SH3PXD2A: variants seen among roughly 807,000 people sequenced by gnomAD.
SH3PXD2A encodes the protein SH3 and PX domain-containing protein 2A.
Under a neutral mutation model 115.2 loss-of-function variants are expected in SH3PXD2A, and 32 were observed. The observed-to-expected ratio is 0.28, with a 90% confidence interval of 0.21 to 0.37. SH3PXD2A has a LOEUF of 0.37. Ranked by LOEUF, SH3PXD2A falls within the 10% of genes least tolerant of loss-of-function variation. The pLI is 1.00. For missense variants in SH3PXD2A, 1,328 were observed against 1,498.7 expected (o/e 0.89, Z 1.88); for synonymous variants, 610 against 629.1 (o/e 0.97, Z 0.45).
At chr10:103,655,211 C>T (rs1290261107) in intron 8 of SH3PXD2A, among the ~76,000 whole-genome samples, 2 of 152,206 alleles carry the variant, frequency 1.3e-5, no homozygotes, top group Admixed American at 1.3e-4. Context: ...CCAGGCACCA[C>T]CTCTGTGGCA....
At chr10:103,719,999 C>T (rs1472783995) in intron 5 of SH3PXD2A, among the ~76,000 whole-genome samples, 7 of 152,298 alleles carry the variant, frequency 4.6e-5, no homozygotes, top group Middle Eastern at 3.4e-3. Context: ...GGATTACAGG[C>T]GTGAGCCACC....
chr10:103,718,307 G>T (rs768752736), intron 5 of SH3PXD2A, among the ~76,000 whole-genome samples: 11 of 152,092 alleles, frequency 7.2e-5, no homozygotes, highest in Non-Finnish European at 1.2e-4. Flanking sequence ...ATAAGCCACC[G>T]CACGGGGCCA....
At chr10:103,754,186 C>T (rs1554919760) in intron 3 of SH3PXD2A, 1 of 152,038 alleles carries the variant, frequency 6.6e-6, no homozygotes, top group Non-Finnish European at 1.5e-5. Context: ...TCAAATTTCA[C>T]TTTTTTTTCT....
At chr10:103,809,146 A>C (rs1444573570) in intron 1 of SH3PXD2A, among the ~76,000 whole-genome samples, 1 of 152,106 alleles carries the variant, frequency 6.6e-6, no homozygotes, top group Non-Finnish European at 1.5e-5. Flanking sequence ...CCTCCTCTAG[A>C]GTGGGTGTTC....
At chr10:103,831,836 C>T (rs1235946454) in intron 1 of SH3PXD2A, among the ~76,000 whole-genome samples, 9 of 152,238 alleles carry the variant, frequency 5.9e-5, no homozygotes, top group Middle Eastern at 3.4e-3. Flanking sequence ...TTCCAGCTCC[C>T]GGAAACAACT....
At chr10:103,822,935 A>G (rs2039395877) in intron 1 of SH3PXD2A, among the ~76,000 whole-genome samples, 1 of 152,230 alleles carries the variant, frequency 6.6e-6, no homozygotes, top group East Asian at 1.9e-4. Flanking sequence ...GACAGAAACA[A>G]TCACGTTTGG....
intron 8 of SH3PXD2A, among the ~76,000 whole-genome samples, chr10:103,631,983 G>T (rs1564849111): frequency 6.6e-6 from 1 of 152,084 alleles, no homozygotes; most frequent in Non-Finnish European, 1.5e-5. Flanking sequence ...GCACGGTTCT[G>T]GTTCCCATGT....
At chr10:103,843,931 A>T (rs1842812512) in intron 1 of SH3PXD2A, among the ~76,000 whole-genome samples, 1 of 152,178 alleles carries the variant, frequency 6.6e-6, no homozygotes, top group Admixed American at 6.5e-5. Flanking sequence ...AAGTGCCTGC[A>T]TCTAAAATGG....
intron 3 of SH3PXD2A, among the ~76,000 whole-genome samples, chr10:103,760,702 A>G (rs1589444565): frequency 6.6e-6 from 1 of 151,910 alleles, no homozygotes; most frequent in East Asian, 1.9e-4. Flanking sequence ...TAATCAAAAG[A>G]GAGCTGGAGT....
chr10:103,656,409 A>T (rs908518000), intron 8 of SH3PXD2A, among the ~76,000 whole-genome samples: 15 of 152,240 alleles, frequency 9.9e-5, no homozygotes, highest in African/African-American at 3.4e-4. Context: ...GTCGGGAGAG[A>T]TCTCAACTGA....
rs755901745 is a variant in SH3PXD2A at position 103,612,949 on chromosome 10, T to G, written c.1162A>C (p.Asn388His). 1 of 1,614,006 alleles carries G rather than the reference T, an allele frequency of 6.2e-7. No individual in the cohort carries two copies. Among genetic ancestry groups the G allele is most frequent in the South Asian group, 1.1e-5 (1 of 91,080 alleles). ...TCAGGAACGCCCACGGCACTGCCATTGGAGGCATTGCAGAGGATGGGCAGG... is the reference window on the plus strand; with the variant it reads ...TCAGGAACGCCCACGGCACTGCCATGGGAGGCATTGCAGAGGATGGGCAGG... ...ISLPILCNAS[N>H]GSAVGVPDRT... The change falls in exon 12 of 15, where the codon AAT (asparagine) becomes CAT (histidine). Residue 388 changes from asparagine (N) to histidine (H), a missense_variant. This residue lies in a region of SH3PXD2A where 509 missense variants were observed against 628.3 expected (regional missense o/e 0.81). Transcript: ENST00000369774.
chr10:103,800,123 G>T (rs2039133400), intron 2 of SH3PXD2A, among the ~76,000 whole-genome samples: 1 of 152,032 alleles, frequency 6.6e-6, no homozygotes, highest in South Asian at 2.1e-4. Context: ...GTTTTTATTG[G>T]CCTAAACCAG....
intron 3 of SH3PXD2A, among the ~76,000 whole-genome samples, chr10:103,743,408 T>C (rs2038465475): frequency 6.6e-6 from 1 of 152,110 alleles, no homozygotes; most frequent in Admixed American, 6.5e-5. Flanking sequence ...TTGTTTGTTT[T>C]TGAGAGAGGA....
chr10:103,607,546 C>T (rs889950007), intron 13 of SH3PXD2A, among the ~76,000 whole-genome samples: 2 of 150,712 alleles, frequency 1.3e-5, no homozygotes, highest in Non-Finnish European at 3.0e-5. Context: ...CAGCCCCCTG[C>T]CCGGCCAGCC....
At chr10:103,619,776 T>C (rs759165286) in intron 10 of SH3PXD2A, among the ~76,000 whole-genome samples, 1 of 152,206 alleles carries the variant, frequency 6.6e-6, no homozygotes, top group Non-Finnish European at 1.5e-5. Flanking sequence ...TTGGGGACTC[T>C]GGGGCTGCAG....
Position 103,594,481 on chromosome 10 carries a change from G to C in SH3PXD2A, c.*7335C>G, listed in dbSNP as rs2036106800. ...GGGAATTCCATGAGGAATTCTCCAA[G>C]GTTCTGGAGCTCCAGAGACATCCAC... On this transcript the variant is annotated 3_prime_UTR_variant, in exon 15 of 15. Coordinates refer to ENST00000369774, the MANE Select transcript of SH3PXD2A (RefSeq NM_001394015.1). 1 of 152,268 alleles carries C rather than the reference G, an allele frequency of 6.6e-6. No individual in the cohort carries two copies. Among genetic ancestry groups the C allele is most frequent in the Non-Finnish European group, 1.5e-5 (1 of 68,048 alleles). 9.4% of individuals were successfully genotyped at this position (152,268 alleles called of 1,614,324 possible).
At chr10:103,722,291 G>A (rs1305824975) in intron 5 of SH3PXD2A, among the ~76,000 whole-genome samples, 1 of 138,232 alleles carries the variant, frequency 7.2e-6, no homozygotes, top group African/African-American at 2.8e-5. Flanking sequence ...GTGACAGAGC[G>A]AGACTCTGTC....
At chr10:103,651,145 T>C (rs1167781157) in intron 8 of SH3PXD2A, among the ~76,000 whole-genome samples, 4 of 152,000 alleles carry the variant, frequency 2.6e-5, no homozygotes, top group Admixed American at 6.6e-5. Context: ...TGGGTCTGCA[T>C]AGTGGAAAGA....
intron 4 of SH3PXD2A, among the ~76,000 whole-genome samples, chr10:103,730,937 C>T (rs996838862): frequency 6.6e-6 from 1 of 152,170 alleles, no homozygotes; most frequent in African/African-American, 2.4e-5. Context: ...GGGCCCACTG[C>T]GGAGACTGAA....
Sources: gnomAD v4.1 joint callset for allele counts (sites outside exome capture counted in the v4.1 genomes callset) on GRCh38, gnomAD v4.1.1 for gene constraint, gnomAD v4.1.1 regional missense constraint, MANE v1.5 for transcripts, NCBI Gene and HGNC (gene_info 2026-07-23, HGNC 2026-07-21) for gene names.